Variants in UNC79 observed in about 807,000 individuals in gnomAD.
UNC79 encodes protein unc-79 homolog.
In UNC79, 37 loss-of-function variants were observed where a neutral mutation model predicts 283.1. The ratio of observed to expected loss-of-function variants is 0.13; its 90% confidence interval spans 0.10 to 0.17. UNC79 has a LOEUF of 0.17. Ranked by LOEUF, UNC79 falls within the 10% of genes least tolerant of loss-of-function variation. The pLI, the probability that UNC79 is intolerant of heterozygous loss-of-function variation, is 1.00. For missense variants in UNC79, 2,272 were observed against 3,211.1 expected, an observed-to-expected ratio of 0.71 and a Z score of 7.07; for synonymous variants, 1,107 against 1,200.2, an observed-to-expected ratio of 0.92 and a Z score of 1.61.
intron 4 of UNC79, among the ~76,000 whole-genome samples, chr14:93,487,136 A>G (rs1033555823): frequency 4.6e-5 from 7 of 152,152 alleles, no homozygotes. Flanking sequence ...AAAATCTTTA[A>G]ATTAATATAT....
intron 7 of UNC79, among the ~76,000 whole-genome samples, chr14:93,514,153 A>G (rs1159195680): frequency 6.6e-6 from 1 of 152,208 alleles, no homozygotes; most frequent in Non-Finnish European, 1.5e-5. Flanking sequence ...ACAAAATTAA[A>G]AACTGTTTTT....
At chr14:93,597,297 G>A in intron 23 of UNC79, 62 bp from the exon 24 acceptor site, 1 of 1,537,238 alleles carries the variant, frequency 6.5e-7, no homozygotes, top group Non-Finnish European at 8.9e-7. Context: ...AAATAAATGT[G>A]TATGCGTGTG....
intron 48 of UNC79, among the ~76,000 whole-genome samples, chr14:93,705,897 C>T (rs558079038): frequency 2.0e-5 from 3 of 152,280 alleles, no homozygotes; most frequent in South Asian, 4.2e-4. Context: ...GAGAAAAATG[C>T]GGCTGTCAAC....
chr14:93,385,044 T>C (rs2054740976), intron 1 of UNC79, among the ~76,000 whole-genome samples: 1 of 152,234 alleles, frequency 6.6e-6, no homozygotes, highest in African/African-American at 2.4e-5. Context: ...GGTCTACATG[T>C]CTCTTTTTAT....
chr14:93,335,929 C>T (rs550084130), intron 1 of UNC79, among the ~76,000 whole-genome samples: 1 of 152,278 alleles, frequency 6.6e-6, no homozygotes, highest in East Asian at 1.9e-4. Flanking sequence ...ACCAAAAGTC[C>T]TGAATTTATG....
At chr14:93,393,037 G>A (rs766169803) in intron 1 of UNC79, among the ~76,000 whole-genome samples, 3 of 152,180 alleles carry the variant, frequency 2.0e-5, no homozygotes, top group Non-Finnish European at 2.9e-5. Flanking sequence ...AGAGCCTCTT[G>A]CTGCATCATA....
Position 93,333,605 on chromosome 14 carries a change from T to C in UNC79, c.-351+82T>C, listed in dbSNP as rs888962575. The C allele has an allele frequency of 1.0e-5, 4 of 393,470 alleles. No individual in the cohort carries two copies. In the Admixed American group the frequency reaches 1.3e-4, roughly 13 times the overall value. 24.4% of individuals were successfully genotyped at this position (393,470 alleles called of 1,614,324 possible). ...GGTTAAAAAATAATCTTTAAGACAC[T>C]GAAAAGTTTTCCTTAACAAGATACC... On this transcript the variant is annotated intron_variant, in intron 1 of 49. Coordinates refer to the UNC79 transcript ENST00000256339.
chr14:93,582,368 G>T (rs769229331), intron 20 of UNC79, 24 bp downstream of exon 20: 3 of 1,609,962 alleles, frequency 1.9e-6, no homozygotes, highest in African/African-American at 2.7e-5. Flanking sequence ...GACTGCCGGG[G>T]AATGCGCCAC....
At chr14:93,473,926 G>A (rs1311538776) in intron 2 of UNC79, among the ~76,000 whole-genome samples, 163 bp from the exon 3 acceptor site, 1 of 152,216 alleles carries the variant, frequency 6.6e-6, no homozygotes, top group Non-Finnish European at 1.5e-5. Context: ...TGAGCACGAA[G>A]CTATGTGACC....
chr14:93,577,476 G>T (rs2063539002), intron 17 of UNC79, among the ~76,000 whole-genome samples: 1 of 152,182 alleles, frequency 6.6e-6, no homozygotes, highest in African/African-American at 2.4e-5. Context: ...CTGTGCTTCT[G>T]ATTCTAAACA....
chr14:93,613,026 A>C, exon 27 of UNC79: 1 of 1,614,164 alleles, frequency 6.2e-7, no homozygotes, highest in Non-Finnish European at 8.5e-7. Context: ...TCATGATTGC[A>C]CCTCAAAAAA....
chr14:93,468,299 A>C (rs917181246), intron 2 of UNC79, among the ~76,000 whole-genome samples: 8 of 152,228 alleles, frequency 5.3e-5, no homozygotes, highest in African/African-American at 1.7e-4. Context: ...AAGGAAAAAA[A>C]ATAGGGCTCT....
chr14:93,581,028 T>C (rs2063765759), intron 19 of UNC79, among the ~76,000 whole-genome samples: 1 of 151,500 alleles, frequency 6.6e-6, no homozygotes. Context: ...CATTTTTAAA[T>C]TGTTTCTCCA....
At chr14:93,597,651 A>G in intron 24 of UNC79, 111 bp downstream of exon 24, 1 of 1,182,862 alleles carries the variant, frequency 8.5e-7, no homozygotes, top group Non-Finnish European at 1.2e-6. Context: ...ACAGAATACC[A>G]TAAACTGGGT....
At chr14:93,344,079 C>A (rs1012538841) in intron 1 of UNC79, among the ~76,000 whole-genome samples, 12 of 152,130 alleles carry the variant, frequency 7.9e-5, no homozygotes, top group Admixed American at 5.9e-4. Context: ...TTTGGAGTCA[C>A]CACTGTCGAA....
At chr14:93,685,352 C>T (rs971286420) in intron 42 of UNC79, among the ~76,000 whole-genome samples, 8 of 152,088 alleles carry the variant, frequency 5.3e-5, no homozygotes, top group Non-Finnish European at 1.0e-4. Context: ...GAATAAATCG[C>T]GGGGAAATCC....
intron 41 of UNC79, among the ~76,000 whole-genome samples, chr14:93,673,785 C>G (rs1443153608): frequency 6.6e-6 from 1 of 152,052 alleles, no homozygotes; most frequent in Non-Finnish European, 1.5e-5. Flanking sequence ...TGAGACAGGT[C>G]TACTGAGGCC....
chr14:93,478,336 G>A (rs957389612), intron 4 of UNC79, among the ~76,000 whole-genome samples: 1 of 152,274 alleles, frequency 6.6e-6, no homozygotes, highest in East Asian at 1.9e-4. Flanking sequence ...TTTGAATCCT[G>A]TTTCATTTCT....
chr14:93,679,008 T>G (rs906467663), intron 41 of UNC79, among the ~76,000 whole-genome samples: 7 of 152,242 alleles, frequency 4.6e-5, no homozygotes, highest in African/African-American at 1.7e-4. Context: ...TTCCAATATT[T>G]TCTTTTTTGC....
Sources: allele counts gnomAD v4.1 joint callset (sites outside exome capture counted in the v4.1 genomes callset), GRCh38; gene constraint gnomAD v4.1.1; transcripts MANE v1.5; gene names NCBI Gene and HGNC (gene_info 2026-07-23, HGNC 2026-07-21).